The following VWA8 variants were observed in gnomAD, a reference collection of about 807,000 sequenced individuals.
VWA8 encodes the protein von Willebrand factor A domain containing 8.
In VWA8, 221 loss-of-function variants were observed where a neutral mutation model predicts 241.5. The ratio of observed to expected loss-of-function variants is 0.91; its 90% CI spans 0.82 to 1.02. The LOEUF is 1.02. VWA8 is among the 50% of genes least tolerant of loss of function. The pLI is 0.00. For synonymous variants in VWA8, 852 were observed against 827.1 expected, an observed-to-expected ratio of 1.03 and a Z score of -0.52; for missense variants, 2,322 against 2,328.7, an observed-to-expected ratio of 1.00 and a Z score of 0.06.
At chr13:41,571,465 C>T (rs2044303653) in intron 43 of VWA8, among the ~76,000 whole-genome samples, 1 of 152,154 alleles carries the variant, frequency 6.6e-6, no homozygotes, top group Non-Finnish European at 1.5e-5. Context: ...TCTCCTGCCT[C>T]AGCCTGCAGA....
chr13:41,953,537 G>C (rs1227038309), intron 1 of VWA8, among the ~76,000 whole-genome samples: 1 of 152,198 alleles, frequency 6.6e-6, no homozygotes, highest in African/African-American at 2.4e-5. Flanking sequence ...CAGGCACAAT[G>C]GCTGGTGCCT....
At chr13:41,774,675 CA>C (rs914906487) in intron 20 of VWA8, among the ~76,000 whole-genome samples, 5 of 152,134 alleles carry the variant, frequency 3.3e-5, no homozygotes, top group African/African-American at 1.2e-4. Context: ...ATAGCATTCA[CA>C]AGCACTTTAT....
intron 9 of VWA8, among the ~76,000 whole-genome samples, chr13:41,868,889 AAAAAAAAAAAAAAAAAAG>A (rs1205421003): frequency 1.4e-4 from 2 of 14,124 alleles, no homozygotes; most frequent in East Asian, 0.1. Flanking sequence ...CTCCGTCTCA[AAAAAAAAAAAAAAAAAAG>A]GAAAAAAAAA....
chr13:41,852,814 A>G (rs1020574656), intron 12 of VWA8, among the ~76,000 whole-genome samples: 7 of 152,032 alleles, frequency 4.6e-5, no homozygotes, highest in Admixed American at 6.6e-5. Context: ...CCATCCATCC[A>G]TATGTTTGTT....
At chr13:41,758,193 C>T (rs2045707814) in intron 21 of VWA8, among the ~76,000 whole-genome samples, 1 of 151,038 alleles carries the variant, frequency 6.6e-6, no homozygotes, top group East Asian at 1.9e-4. Context: ...AAACAGCCAT[C>T]AGCAAGTTAG....
chr13:41,615,047 G>T lies in VWA8; in HGVS notation c.4649C>A (p.Ser1550Tyr), dbSNP rs2044612431. 1 of 1,613,804 alleles carries T rather than the reference G, an allele frequency of 6.2e-7. No homozygotes were observed. Among genetic ancestry groups the T allele is most frequent in the Admixed American group, 1.7e-5 (1 of 59,992 alleles). ...TGGGTCCTCCTTCCCGTGTTTGGGG[G>T]AGCTTACATCTTCACCACTGTCTCT... ...INRDSGEDVS[S>Y]PKHGKEDPDN... Residue 1550 changes from serine (S) to tyrosine (Y), a missense_variant, in exon 38 of 45, where the codon TCC becomes TAC. Ser to Tyr is a moderately radical substitution (Grantham distance 144, BLOSUM62 -2). Transcript: ENST00000379310.
At chr13:41,893,994 A>T (rs978619259) in intron 4 of VWA8, among the ~76,000 whole-genome samples, 1 of 152,200 alleles carries the variant, frequency 6.6e-6, no homozygotes, top group Admixed American at 6.5e-5. Flanking sequence ...ATTAATTGTT[A>T]TCATAATCTA....
chr13:41,801,156 A>ATTT (rs142053817), intron 17 of VWA8, among the ~76,000 whole-genome samples: 18 of 151,548 alleles, frequency 1.2e-4, no homozygotes, highest in Non-Finnish European at 1.6e-4. Context: ...ATTTTTATTT[A>ATTT]TTTTTTTAAT....
intron 37 of VWA8, among the ~76,000 whole-genome samples, chr13:41,649,976 G>A (rs1170461887): frequency 1.3e-5 from 2 of 152,090 alleles, no homozygotes; most frequent in African/African-American, 4.8e-5. Flanking sequence ...TGTAATTTAC[G>A]TTAAGTTATG....
intron 37 of VWA8, among the ~76,000 whole-genome samples, chr13:41,660,600 G>A (rs909533719): frequency 1.3e-5 from 2 of 152,170 alleles, no homozygotes; most frequent in African/African-American, 4.8e-5. Flanking sequence ...AAAGACTGAT[G>A]AGCTTATTAC....
At chr13:41,728,850 G>A (rs1357498857) in intron 23 of VWA8, among the ~76,000 whole-genome samples, 1 of 151,882 alleles carries the variant, frequency 6.6e-6, no homozygotes, top group Non-Finnish European at 1.5e-5. Context: ...TTAGTTATTA[G>A]TCTCAACTTG....
At chr13:41,714,167 TAAAG>T (rs1348595875) in intron 26 of VWA8, among the ~76,000 whole-genome samples, 1 of 152,132 alleles carries the variant, frequency 6.6e-6, no homozygotes, top group East Asian at 1.9e-4. Flanking sequence ...AATATCATCA[TAAAG>T]AAAGCCAACA....
chr13:41,787,611 C>T, intron 17 of VWA8, 68 bp from the exon 18 acceptor site: 1 of 704,552 alleles, frequency 1.4e-6, no homozygotes, highest in Non-Finnish European at 2.5e-6. Flanking sequence ...CTTAAATACA[C>T]ACACACACAC....
chr13:41,838,516 T>C (rs1566476836), intron 12 of VWA8, among the ~76,000 whole-genome samples: 1 of 152,118 alleles, frequency 6.6e-6, no homozygotes, highest in African/African-American at 2.4e-5. Context: ...CAACCAGGTT[T>C]AAAAAATACG....
intron 1 of VWA8, chr13:41,955,747 T>A (rs985970277): frequency 1.3e-5 from 2 of 152,208 alleles, no homozygotes; most frequent in African/African-American, 4.8e-5. Context: ...AATTGCAACA[T>A]AACTTTGTAT....
At chr13:41,586,898 G>C (rs905164236) in intron 42 of VWA8, among the ~76,000 whole-genome samples, 1 of 152,178 alleles carries the variant, frequency 6.6e-6, no homozygotes. Flanking sequence ...AAGTGCAGGT[G>C]CTCTCTGTGG....
rs773119783 is a variant in VWA8 at position 41,567,091 on chromosome 13, A to C, written c.*1106T>G. On this transcript the variant is annotated 3_prime_UTR_variant, in exon 45 of 45. Transcript: ENST00000379310. ...TATCAATCGTGAAGAGGAGTTTTTAAATTATATGGTTAAAGAGAGAATGAC... is the reference window on the plus strand; with the variant it reads ...TATCAATCGTGAAGAGGAGTTTTTACATTATATGGTTAAAGAGAGAATGAC... 6 of 152,180 alleles carry C rather than the reference A, an allele frequency of 3.9e-5. No homozygotes were observed. Among genetic ancestry groups the C allele is most frequent in the African/African-American group, 7.2e-5 (3 of 41,446 alleles). The allele number at this position is 152,180 out of a possible 1,614,324, so 9.4% of individuals were successfully genotyped here. A position where few individuals can be genotyped will look rare whatever the true frequency, so the allele number is the denominator to read the frequency against.
intron 37 of VWA8, among the ~76,000 whole-genome samples, chr13:41,655,703 G>A (rs1292776701): frequency 6.6e-6 from 1 of 152,122 alleles, no homozygotes; most frequent in African/African-American, 2.4e-5. Flanking sequence ...AAGATTAGAA[G>A]ATATTAGTGA....
At chr13:41,831,890 G>C (rs1871482396) in intron 13 of VWA8, among the ~76,000 whole-genome samples, 1 of 151,494 alleles carries the variant, frequency 6.6e-6, no homozygotes, top group Non-Finnish European at 1.5e-5. Flanking sequence ...AAAATGCTGG[G>C]ACTACAGGTG....
Sources: allele counts gnomAD v4.1 joint callset (sites outside exome capture counted in the v4.1 genomes callset), GRCh38; gene constraint gnomAD v4.1.1; transcripts MANE v1.5; gene names NCBI Gene and HGNC (gene_info 2026-07-23, HGNC 2026-07-21).